The following PLCZ1 variants were observed in gnomAD, a reference collection of about 807,000 sequenced individuals.
PLCZ1 encodes phospholipase C zeta 1.
PLCZ1 carries 64 observed loss-of-function variants against 76.8 expected under a neutral mutation model. That is an observed-to-expected ratio of 0.83 (90% CI 0.68 to 1.03). The LOEUF is 1.03. Among genes scored for constraint, PLCZ1 ranks in the 50% least tolerant of loss-of-function variants. The pLI is 0.00. For synonymous variants in PLCZ1, 248 were observed against 230.8 expected, an observed-to-expected ratio of 1.07 and a Z score of -0.68; for missense variants, 751 against 713.7, an observed-to-expected ratio of 1.05 and a Z score of -0.60.
At chr12:18,655,054 T>TA in the PLCZ1 span, among the ~76,000 whole-genome samples, 88,736 of 151,102 alleles carry the variant, frequency 0.59, 26,216 homozygotes, top group East Asian at 0.71. Flanking sequence ...GAAACAATAA[T>TA]AAAAAAAAAT....
chr12:18,694,569 A>C (rs1240309354), intron 12 of PLCZ1, among the ~76,000 whole-genome samples: 2 of 152,170 alleles, frequency 1.3e-5, no homozygotes, highest in Admixed American at 1.3e-4. Context: ...GGCGAGAAAA[A>C]GTAACATGCC....
the PLCZ1 span, among the ~76,000 whole-genome samples, chr12:18,651,234 T>G: frequency 6.6e-6 from 1 of 152,090 alleles, no homozygotes; most frequent in Admixed American, 6.6e-5. Flanking sequence ...AAATGTGCCT[T>G]TGTGCCCTGT....
At chr12:18,704,902 T>C (rs1042195075) in intron 7 of PLCZ1, among the ~76,000 whole-genome samples, 1 of 152,110 alleles carries the variant, frequency 6.6e-6, no homozygotes, top group Non-Finnish European at 1.5e-5. Context: ...TTAATACTAA[T>C]TGCTTTGATA....
At chr12:18,733,553 CA>C (rs1428559065) in intron 3 of PLCZ1, among the ~76,000 whole-genome samples, 1 of 152,092 alleles carries the variant, frequency 6.6e-6, no homozygotes, top group Non-Finnish European at 1.5e-5. Flanking sequence ...AGCCCAATGT[CA>C]AAAAGCTTTT....
intron 12 of PLCZ1, among the ~76,000 whole-genome samples, chr12:18,688,491 G>A (rs767259301): frequency 5.3e-5 from 8 of 151,744 alleles, no homozygotes; most frequent in Non-Finnish European, 8.8e-5. Context: ...AAAATCATTT[G>A]TTATGATCAC....
At chr12:18,660,052 C>G in the PLCZ1 span, among the ~76,000 whole-genome samples, 1 of 152,068 alleles carries the variant, frequency 6.6e-6, no homozygotes, top group Non-Finnish European at 1.5e-5. Flanking sequence ...ATTTATCTCC[C>G]CTCCAACAGA....
At chr12:18,656,809 T>C in the PLCZ1 span, among the ~76,000 whole-genome samples, 1 of 152,074 alleles carries the variant, frequency 6.6e-6, no homozygotes, top group African/African-American at 2.4e-5. Flanking sequence ...ATCAACTTTA[T>C]TAGAACAATT....
chr12:18,731,770 T>C (rs1959061971), intron 3 of PLCZ1, among the ~76,000 whole-genome samples: 1 of 152,106 alleles, frequency 6.6e-6, no homozygotes, highest in African/African-American at 2.4e-5. Context: ...TGTAGCTTTC[T>C]TGCCTCATTC....
At chr12:18,674,526 C>G in the PLCZ1 span, among the ~76,000 whole-genome samples, 2 of 152,150 alleles carry the variant, frequency 1.3e-5, no homozygotes, top group Admixed American at 1.3e-4. Flanking sequence ...CTCCTAAACT[C>G]AGAATTTTAA....
rs1408385188 is a variant in PLCZ1 at position 18,701,714 on chromosome 12, T to C, written c.927A>G (p.Glu309=). 4 of 1,612,996 alleles carry C rather than the reference T, an allele frequency of 2.5e-6. No individual in the cohort carries two copies. The highest frequency in any genetic ancestry group is 1.1e-5 in the South Asian group (1 of 90,898). ...KKIGTLKETH[E]RKGSDKRGDN... is the part of the protein sequence containing the mutation. ...TACCACGCTTATCAGAACCTTTTCT[T>C]TCATGGGTTTCCTTTAAGGTTCCTA... Residue 309 remains glutamate, a synonymous_variant, in exon 8 of 15, where the codon GAA becomes GAG. Transcript: ENST00000266505.
chr12:18,700,589 A>G (rs1955765302), intron 9 of PLCZ1, among the ~76,000 whole-genome samples: 1 of 151,462 alleles, frequency 6.6e-6, no homozygotes, highest in African/African-American at 2.4e-5. Flanking sequence ...CTGAAATGAT[A>G]TAAAGCTGAC....
chr12:18,690,949 CATG>C (rs1329468526), intron 12 of PLCZ1, among the ~76,000 whole-genome samples: 1 of 152,072 alleles, frequency 6.6e-6, no homozygotes, highest in Non-Finnish European at 1.5e-5. Context: ...ATTACGTATG[CATG>C]ATAATATTAG....
At chr12:18,703,948 A>G (rs554884027) in intron 7 of PLCZ1, among the ~76,000 whole-genome samples, 1 of 152,350 alleles carries the variant, frequency 6.6e-6, no homozygotes, top group Non-Finnish European at 1.5e-5. Flanking sequence ...ACATGTCAAA[A>G]CCAAACTATT....
the PLCZ1 span, among the ~76,000 whole-genome samples, chr12:18,668,987 T>C: frequency 6.6e-6 from 1 of 152,122 alleles, no homozygotes; most frequent in African/African-American, 2.4e-5. Flanking sequence ...AGGTGTGTAA[T>C]TAATTTCCCC....
downstream of PLCZ1, among the ~76,000 whole-genome samples, chr12:18,679,712 A>C (rs2137012885): frequency 6.6e-6 from 1 of 152,194 alleles, no homozygotes; most frequent in East Asian, 1.9e-4. Context: ...TTAATACATT[A>C]GAAAAAAGAC....
chr12:18,671,032 C>T, the PLCZ1 span, among the ~76,000 whole-genome samples: 1 of 151,736 alleles, frequency 6.6e-6, no homozygotes, highest in East Asian at 1.9e-4. Context: ...CAAAAATTAG[C>T]CCAGCTTGGT....
chr12:18,702,840 A>G (rs1157871308), intron 7 of PLCZ1, among the ~76,000 whole-genome samples: 1 of 32,350 alleles, frequency 3.1e-5, no homozygotes, highest in Non-Finnish European at 5.3e-5. Flanking sequence ...TTTTTTTTTG[A>G]GACGGAGTCT....
chr12:18,690,417 G>T (rs1953898002), intron 12 of PLCZ1, among the ~76,000 whole-genome samples: 1 of 152,040 alleles, frequency 6.6e-6, no homozygotes, highest in African/African-American at 2.4e-5. Flanking sequence ...TAGAAACAGG[G>T]TTTCACCATG....
chr12:18,701,656 C>T (rs1175851672), intron 8 of PLCZ1, 36 bp downstream of exon 8: 2 of 1,610,194 alleles, frequency 1.2e-6, no homozygotes, highest in Non-Finnish European at 1.7e-6. Flanking sequence ...TCCTCCTCTC[C>T]ATCTGCCACT....
Sources: allele counts gnomAD v4.1 joint callset (sites outside exome capture counted in the v4.1 genomes callset), GRCh38; gene constraint gnomAD v4.1.1; transcripts MANE v1.5; gene names NCBI Gene and HGNC (gene_info 2026-07-23, HGNC 2026-07-21).